MANBAL: variants seen among roughly 807,000 people sequenced by gnomAD.
MANBAL encodes mannosidase beta like, also known as protein MANBAL.
A neutral mutation model predicts 6.4 loss-of-function variants in MANBAL; 1 was observed. The ratio of observed to expected loss-of-function variants is 0.16; its 90% CI spans 0.06 to 0.74. The LOEUF (loss-of-function observed/expected upper bound fraction) is 0.74, where lower values mean the gene tolerates loss of function less well. Ranked by LOEUF, MANBAL falls within the 30% of genes least tolerant of loss-of-function variation. The pLI is 0.78. For synonymous variants in MANBAL, 47 were observed against 45.8 expected (o/e 1.03, Z -0.10); for missense variants, 100 against 107.8 (o/e 0.93, Z 0.32).
intron 2 of MANBAL, among the ~76,000 whole-genome samples, chr20:37,309,790 AG>A (rs1162934651): frequency 6.6e-6 from 1 of 152,154 alleles, no homozygotes; most frequent in African/African-American, 2.4e-5. Context: ...GTTGCCAGTG[AG>A]GCCTGCCGTA....
intron 1 of MANBAL, among the ~76,000 whole-genome samples, chr20:37,292,257 C>T (rs1306699774): frequency 3.3e-5 from 5 of 152,288 alleles, no homozygotes; most frequent in African/African-American, 1.2e-4. Context: ...GTCTGTTCCC[C>T]TATTTTTTGC....
intron 2 of MANBAL, among the ~76,000 whole-genome samples, chr20:37,310,088 G>C (rs2069348351): frequency 6.6e-6 from 1 of 152,222 alleles, no homozygotes; most frequent in African/African-American, 2.4e-5. Context: ...AGCCAGTGGG[G>C]AGGGCCAGCA....
chr20:37,301,267 G>T lies in MANBAL; in HGVS notation c.4G>T (p.Ala2Ser), dbSNP rs761192136. M[A>S]SDLDFSPPEV... ...CAGGCAGCAAGCGACTTGGGCCATG[G>T]CCTCTGACCTAGACTTCTCACCTCC... is the stretch of plus-strand genomic sequence containing the variant. Residue 2 changes from alanine (A) to serine (S), a missense_variant, in exon 2 of 3, where the codon GCC becomes TCC. By Grantham distance (99) the Ala-to-Ser change is moderately conservative. Transcript: ENST00000373606. 1.3e-6 allele frequency: 2 copies of T among 1,594,574 alleles called. No individual in the cohort carries two copies. Among genetic ancestry groups the T allele is most frequent in the Non-Finnish European group, 8.6e-7 (1 of 1,168,042 alleles).
intron 2 of MANBAL, among the ~76,000 whole-genome samples, chr20:37,313,860 C>T (rs944172222): frequency 1.3e-5 from 2 of 152,098 alleles, no homozygotes; most frequent in Non-Finnish European, 2.9e-5. Context: ...AGCAGTTTGC[C>T]GGGTGGCCAA....
At chr20:37,292,084 A>G (rs1261315835) in intron 1 of MANBAL, among the ~76,000 whole-genome samples, 1 of 152,206 alleles carries the variant, frequency 6.6e-6, no homozygotes, top group African/African-American at 2.4e-5. Context: ...GGTAGTAGTC[A>G]GGCTTTTCCA....
chr20:37,312,022 A>T (rs1275192456), intron 2 of MANBAL, among the ~76,000 whole-genome samples: 1 of 152,142 alleles, frequency 6.6e-6, no homozygotes. Flanking sequence ...GGATGCTGAG[A>T]ACTCATAAAT....
intron 1 of MANBAL, among the ~76,000 whole-genome samples, chr20:37,291,222 T>G (rs1331951477): frequency 6.6e-6 from 1 of 152,232 alleles, no homozygotes; most frequent in Non-Finnish European, 1.5e-5. Context: ...TTTACAAAGT[T>G]ATCGCAAAGA....
chr20:37,300,723 A>G lies in MANBAL; in HGVS notation c.-56-485A>G, dbSNP rs78857236. Among the ~76,000 whole-genome samples, 244 of 152,336 alleles carry G rather than the reference A, an allele frequency of 1.6e-3. 2 individuals are homozygous for G. The highest frequency in any genetic ancestry group is 5.4e-3 in the African/African-American group (224 of 41,566). ...CAACTTTATGTTTGGAAAACATCAG[A>G]TACACAGAAAAGTTGAAAGAATGGT... On this transcript the variant is annotated intron_variant, in intron 1 of 2. Transcript: ENST00000373606.
intron 1 of MANBAL, among the ~76,000 whole-genome samples, chr20:37,291,154 A>G (rs2068858091): frequency 6.6e-6 from 1 of 152,088 alleles, no homozygotes; most frequent in African/African-American, 2.4e-5. Flanking sequence ...ATTTGTTTTG[A>G]AATGTTGACC....
chr20:37,295,137 C>T (rs923124155), intron 1 of MANBAL, among the ~76,000 whole-genome samples: 13 of 152,122 alleles, frequency 8.5e-5, no homozygotes, highest in African/African-American at 3.1e-4. Context: ...CCTCTCAGCT[C>T]CTCCTTGTCG....
chr20:37,296,290 G>A (rs1049396581), intron 1 of MANBAL, among the ~76,000 whole-genome samples: 1 of 152,120 alleles, frequency 6.6e-6, no homozygotes, highest in Non-Finnish European at 1.5e-5. Context: ...AGTAGGTAGG[G>A]CATAGATTTT....
At chr20:37,310,333 C>T (rs557230065) in intron 2 of MANBAL, among the ~76,000 whole-genome samples, 2 of 152,346 alleles carry the variant, frequency 1.3e-5, no homozygotes, top group South Asian at 2.1e-4. Flanking sequence ...CCTCATGGCC[C>T]GCTGGGATGG....
chr20:37,304,858 A>G (rs1039306089), intron 2 of MANBAL, among the ~76,000 whole-genome samples: 1 of 152,210 alleles, frequency 6.6e-6, no homozygotes, highest in Non-Finnish European at 1.5e-5. Flanking sequence ...GGAGGAGTGC[A>G]TGGGCTGAGT....
chr20:37,298,929 G>A (rs2069066332), intron 1 of MANBAL: 1 of 152,018 alleles, frequency 6.6e-6, no homozygotes, highest in South Asian at 2.1e-4. Flanking sequence ...TAGCAACAGG[G>A]TCCCACTCTG....
chr20:37,298,556 A>G (rs1167324229), intron 1 of MANBAL, among the ~76,000 whole-genome samples: 1 of 152,172 alleles, frequency 6.6e-6, no homozygotes, highest in African/African-American at 2.4e-5. Flanking sequence ...TTCAAGGTTC[A>G]TTCATGTTGT....
Sources: gnomAD v4.1 joint callset for allele counts (sites outside exome capture counted in the v4.1 genomes callset) on GRCh38, gnomAD v4.1.1 for gene constraint, MANE v1.5 for transcripts, NCBI Gene and HGNC (gene_info 2026-07-23, HGNC 2026-07-21) for gene names.